ECT2L: variants seen among roughly 807,000 people sequenced by gnomAD.
ECT2L encodes epithelial cell-transforming sequence 2 oncogene-like.
A neutral mutation model predicts 122.8 loss-of-function variants in ECT2L; 126 were observed. That is an observed-to-expected ratio of 1.03 (90% CI 0.89 to 1.19). ECT2L has a LOEUF of 1.19. ECT2L is among the 50% of genes most tolerant of loss of function. The pLI, the probability that ECT2L is intolerant of heterozygous loss-of-function variation, is 0.00. For missense variants in ECT2L, 1,012 were observed against 1,064.1 expected (o/e 0.95, Z 0.68); for synonymous variants, 385 against 381.8 (o/e 1.01, Z -0.10).
chr6:138,886,296 C>A (rs1208043501), intron 18 of ECT2L, among the ~76,000 whole-genome samples: 4 of 152,214 alleles, frequency 2.6e-5, no homozygotes, highest in African/African-American at 7.2e-5. Flanking sequence ...ATACTGTAAA[C>A]AGGCATCTGG....
chr6:138,816,973 C>A (rs570906076), intron 4 of ECT2L, among the ~76,000 whole-genome samples: 1 of 152,156 alleles, frequency 6.6e-6, no homozygotes, highest in Non-Finnish European at 1.5e-5. Context: ...CCCTCTAGAT[C>A]TGGGCAAACA....
At chr6:138,836,456 CT>C (rs1776844114) in intron 4 of ECT2L, among the ~76,000 whole-genome samples, 1 of 151,790 alleles carries the variant, frequency 6.6e-6, no homozygotes, top group Admixed American at 6.6e-5. Context: ...GCCCGGCTAA[CT>C]TTTGTATTTT....
chr6:138,886,776 C>T (rs1347186855), intron 18 of ECT2L, 81 bp from the exon 19 acceptor site: 2 of 996,510 alleles, frequency 2.0e-6, no homozygotes, highest in Admixed American at 2.0e-5. Context: ...TATCAAGCGC[C>T]ATAAAATATT....
Position 138,838,417 on chromosome 6 carries a change from C to T in ECT2L, c.245C>T (p.Pro82Leu), listed in dbSNP as rs762324898. The T allele has an allele frequency of 1.7e-5, 28 of 1,613,808 alleles. No homozygotes were observed. Among genetic ancestry groups the T allele is most frequent in the Non-Finnish European group, 2.3e-5 (27 of 1,179,908 alleles). The change falls in exon 5 of 22, where the codon CCA (proline) becomes CTA (leucine). Residue 82 changes from proline (P) to leucine (L), a missense_variant. Coordinates refer to ENST00000541398, the MANE Select transcript of ECT2L (RefSeq NM_001077706.3). Reference protein sequence around the residue: ...VAKVDFSTVLPRFISLYIFSF... With the variant: ...VAKVDFSTVLLRFISLYIFSF... ...AAAGTGGACTTCTCTACAGTGTTAC[C>T]ACGCTTCATTTCTCTATATATCTTT...
intron 15 of ECT2L, 63 bp downstream of exon 15, chr6:138,881,234 T>C: frequency 6.7e-7 from 1 of 1,495,506 alleles, no homozygotes; most frequent in Non-Finnish European, 9.1e-7. Context: ...CCATGCTTTA[T>C]TGTTTCAAAA....
At chr6:138,807,426 A>AT (rs1428888997) in intron 1 of ECT2L, among the ~76,000 whole-genome samples, 1 of 152,108 alleles carries the variant, frequency 6.6e-6, no homozygotes, top group African/African-American at 2.4e-5. Flanking sequence ...TCATTGACAC[A>AT]TTTTCTATCC....
At chr6:138,880,221 G>A (rs6940132) in intron 14 of ECT2L, among the ~76,000 whole-genome samples, 8,389 of 152,242 alleles carry the variant, frequency 0.055, 728 homozygotes, top group African/African-American at 0.18. Context: ...TGGGTAATTT[G>A]CAAAGAACAG....
chr6:138,798,722 G>A (rs11753619), intron 1 of ECT2L, among the ~76,000 whole-genome samples: 4,284 of 152,272 alleles, frequency 0.028, 100 homozygotes, highest in Non-Finnish European at 0.041. Context: ...CGTAGCAGTT[G>A]TTAAAGCAAA....
intron 13 of ECT2L, among the ~76,000 whole-genome samples, chr6:138,871,458 T>C (rs1197887859): frequency 6.6e-6 from 1 of 152,166 alleles, no homozygotes; most frequent in Non-Finnish European, 1.5e-5. Flanking sequence ...GAGGCAGCAT[T>C]CCCTCTGCCT....
intron 4 of ECT2L, among the ~76,000 whole-genome samples, chr6:138,825,332 C>T (rs1029842859): frequency 1.3e-5 from 2 of 152,250 alleles, no homozygotes; most frequent in South Asian, 2.1e-4. Context: ...GTAATCCCAG[C>T]GCTTTGGGAG....
intron 20 of ECT2L, among the ~76,000 whole-genome samples, chr6:138,899,958 G>A (rs1779344031): frequency 6.6e-6 from 1 of 152,110 alleles, no homozygotes; most frequent in South Asian, 2.1e-4. Flanking sequence ...CAGCAATCTC[G>A]CTCCAATGAC....
intron 16 of ECT2L, among the ~76,000 whole-genome samples, chr6:138,883,845 C>T (rs1274124417): frequency 6.6e-6 from 1 of 152,132 alleles, no homozygotes; most frequent in African/African-American, 2.4e-5. Flanking sequence ...AAGTACTTAG[C>T]TTAAATGTTA....
chr6:138,886,452 G>A (rs1401673475), intron 18 of ECT2L, among the ~76,000 whole-genome samples: 3 of 152,044 alleles, frequency 2.0e-5, no homozygotes, highest in African/African-American at 4.8e-5. Context: ...CTGTCACCAA[G>A]GCTTGAGTGT....
intron 11 of ECT2L, 59 bp downstream of exon 11, chr6:138,862,778 C>A: frequency 7.1e-7 from 1 of 1,412,896 alleles, no homozygotes; most frequent in Non-Finnish European, 1.0e-6. Flanking sequence ...CCAGAATCAC[C>A]AAAAGACAAA....
chr6:138,850,825 A>G (rs1230671614), intron 9 of ECT2L, among the ~76,000 whole-genome samples: 3 of 151,788 alleles, frequency 2.0e-5, no homozygotes, highest in African/African-American at 7.3e-5. Context: ...AACATAGAGA[A>G]ACCCCATCTC....
At chr6:138,808,560 A>G (rs1437135982) in intron 1 of ECT2L, among the ~76,000 whole-genome samples, 1 of 152,172 alleles carries the variant, frequency 6.6e-6, no homozygotes, top group African/African-American at 2.4e-5. Flanking sequence ...ATTAAATGTT[A>G]TTAGTATACA....
chr6:138,882,613 C>T, intron 15 of ECT2L, 111 bp from the exon 16 acceptor site: 2 of 1,323,134 alleles, frequency 1.5e-6, no homozygotes, highest in East Asian at 2.4e-5. Flanking sequence ...TTGACCAAAA[C>T]CCTACCGTAA....
At position 138,817,146 on chromosome 6, in the gene ECT2L, C is replaced by T. The variant is rs566601893; in HGVS notation, c.179+2543C>T. Among the ~76,000 whole-genome samples, 9 of 152,250 alleles carry T rather than the reference C, an allele frequency of 5.9e-5. No individual in the cohort carries two copies. In the East Asian group the frequency reaches 9.7e-4, roughly 16 times the overall value. On this transcript the variant is annotated intron_variant, in intron 4 of 21. Coordinates refer to ENST00000541398, the MANE Select transcript of ECT2L (RefSeq NM_001077706.3). ...TGTCAGTACTTCTTTCCTTTATTGC[C>T]AAATATTATCCCATTGTATGGATGT...
At chr6:138,813,444 A>C in intron 3 of ECT2L, 104 bp downstream of exon 3, 1 of 851,688 alleles carries the variant, frequency 1.2e-6, no homozygotes, top group South Asian at 2.0e-5. Flanking sequence ...AAACTCTCTA[A>C]AGAATTTAGC....
Sources: gnomAD v4.1 joint callset for allele counts (sites outside exome capture counted in the v4.1 genomes callset) on GRCh38, gnomAD v4.1.1 for gene constraint, MANE v1.5 for transcripts, NCBI Gene and HGNC (gene_info 2026-07-23, HGNC 2026-07-21) for gene names.